Variants in ARID1B observed in about 807,000 individuals in gnomAD.
ARID1B encodes the protein AT-rich interaction domain 1B.
Under a neutral mutation model 212.3 loss-of-function variants are expected in ARID1B, and 30 were observed. The observed-to-expected ratio is 0.14, with a 90% CI of 0.11 to 0.19. The LOEUF (loss-of-function observed/expected upper bound fraction) is 0.19, where lower values mean the gene tolerates loss of function less well. Among genes scored for constraint, ARID1B ranks in the 10% least tolerant of loss-of-function variants. The probability of loss-of-function intolerance (pLI) is 1.00; values close to 1 mark genes in which losing one functional copy is unlikely to be tolerated. For synonymous variants in ARID1B, 1,402 were observed against 1,301.7 expected, an observed-to-expected ratio of 1.08 and a Z score of -1.66; for missense variants, 2,891 against 3,204.0, an observed-to-expected ratio of 0.90 and a Z score of 2.36.
At chr6:156,990,614 C>T (rs536373718) in intron 4 of ARID1B, among the ~76,000 whole-genome samples, 145 of 152,248 alleles carry the variant, frequency 9.5e-4, no homozygotes, top group South Asian at 1.5e-3. Flanking sequence ...GCACTCCAGC[C>T]TGGCGACAGA....
chr6:157,009,232 G>A (rs12210164), intron 4 of ARID1B, among the ~76,000 whole-genome samples: 40,725 of 152,092 alleles, frequency 0.27, 5,858 homozygotes, highest in Non-Finnish European at 0.32. Flanking sequence ...AAACACAGTA[G>A]TTCTGTGTTG....
chr6:157,200,559 A>G lies in ARID1B; in HGVS notation c.4480-146A>G. On this transcript the variant is annotated intron_variant, in intron 17 of 19. Coordinates refer to ENST00000636930, the MANE Select transcript of ARID1B (RefSeq NM_001374828.1). The surrounding 1 kb of genome is among the most constrained non-coding windows in gnomAD (Gnocchi z 4.3). Reference sequence around the variant, plus strand: ...TATAATACTGAAATATTGAACATAAATTGTTAGTTCTCTGTTGTTATAGGA... The same window carrying G: ...TATAATACTGAAATATTGAACATAAGTTGTTAGTTCTCTGTTGTTATAGGA... The G allele has an allele frequency of 2.3e-6, 2 of 866,650 alleles. No individual in the cohort carries two copies. Among genetic ancestry groups the G allele is most frequent in the Non-Finnish European group, 3.4e-6 (2 of 580,900 alleles). 53.7% of individuals were successfully genotyped at this position (866,650 alleles called of 1,614,324 possible).
chr6:156,990,645 GAACA>G (rs1000124883), intron 4 of ARID1B, among the ~76,000 whole-genome samples: 1 of 151,758 alleles, frequency 6.6e-6, no homozygotes, highest in East Asian at 2.0e-4. Context: ...GTCTCAAAAC[GAACA>G]AACAAACAAA....
intron 5 of ARID1B, among the ~76,000 whole-genome samples, chr6:157,095,411 G>T (rs544936118): frequency 2.0e-5 from 3 of 152,340 alleles, no homozygotes; most frequent in African/African-American, 4.8e-5. Flanking sequence ...ACTGAGAGAA[G>T]AATTCTGAGG....
intron 4 of ARID1B, among the ~76,000 whole-genome samples, chr6:157,079,323 G>T (rs1299119332): frequency 6.6e-6 from 1 of 152,086 alleles, no homozygotes; most frequent in Non-Finnish European, 1.5e-5. Flanking sequence ...TAGGTATCTG[G>T]ACATAAACAC....
intron 4 of ARID1B, among the ~76,000 whole-genome samples, chr6:156,962,814 C>T (rs1010211659): frequency 6.6e-6 from 1 of 151,790 alleles, no homozygotes; most frequent in African/African-American, 2.4e-5. Flanking sequence ...GATGGAGTCT[C>T]ACGCTGTCGC....
chr6:157,027,803 T>C (rs546804248), intron 4 of ARID1B, among the ~76,000 whole-genome samples: 30 of 152,366 alleles, frequency 2.0e-4, no homozygotes, highest in African/African-American at 5.8e-4. Context: ...ATAGTGACTT[T>C]GTAACAACTT....
intron 7 of ARID1B, among the ~76,000 whole-genome samples, chr6:157,144,916 T>C (rs1375970292): frequency 6.6e-6 from 1 of 152,232 alleles, no homozygotes; most frequent in African/African-American, 2.4e-5. Flanking sequence ...TGATGGTATC[T>C]GCAAACTTCA....
At chr6:157,181,243 C>G (rs775658308) in intron 12 of ARID1B, 65 bp downstream of exon 12, 33 of 1,561,832 alleles carry the variant, frequency 2.1e-5, no homozygotes, top group Non-Finnish European at 2.9e-5. Context: ...CAGTGGCTTT[C>G]TTTGAATGTG....
At chr6:156,883,704 C>G (rs1042642283) in intron 2 of ARID1B, among the ~76,000 whole-genome samples, 10 of 152,152 alleles carry the variant, frequency 6.6e-5, no homozygotes, top group African/African-American at 2.4e-4. Context: ...CCTTTCCTTG[C>G]TTTGACTCTT....
intron 2 of ARID1B, among the ~76,000 whole-genome samples, chr6:156,842,830 T>C (rs1365293464): frequency 6.6e-6 from 1 of 152,228 alleles, no homozygotes; most frequent in African/African-American, 2.4e-5. Flanking sequence ...GCCAAATCCA[T>C]GAGGTAAGTA....
intron 4 of ARID1B, among the ~76,000 whole-genome samples, chr6:156,982,403 A>C (rs1777658401): frequency 6.8e-6 from 1 of 147,038 alleles, no homozygotes; most frequent in Admixed American, 6.8e-5. Flanking sequence ...TGCCCGAAAT[A>C]GTGCTGTGTG....
intron 5 of ARID1B, among the ~76,000 whole-genome samples, chr6:157,092,427 C>T (rs1241023982): frequency 6.6e-6 from 1 of 152,156 alleles, no homozygotes; most frequent in Non-Finnish European, 1.5e-5. Flanking sequence ...GGACAGATTC[C>T]CCATTGCTGT....
intron 4 of ARID1B, among the ~76,000 whole-genome samples, chr6:156,947,361 C>T (rs1261696005): frequency 2.0e-5 from 3 of 152,078 alleles, no homozygotes; most frequent in African/African-American, 7.2e-5. Flanking sequence ...TTAATTCCTC[C>T]TTCTCTGAAA....
chr6:156,830,546 C>T (rs987690960), intron 2 of ARID1B, among the ~76,000 whole-genome samples: 4 of 152,026 alleles, frequency 2.6e-5, no homozygotes, highest in Non-Finnish European at 2.9e-5. Flanking sequence ...ATACACTATT[C>T]GATCTGTATT....
In ARID1B at chr6:156,844,189, C is replaced by T. The variant is rs150756430; in HGVS notation, c.1986+14768C>T. On this transcript the variant is annotated intron_variant, in intron 2 of 19. Coordinates refer to ENST00000636930, the MANE Select transcript of ARID1B (RefSeq NM_001374828.1). Reference sequence around the variant, plus strand: ...TCATCTTTGTTCTGCTTTGGTGCTTCGATGGATCAGTTCAGAAAGCCACAG... The same window carrying T: ...TCATCTTTGTTCTGCTTTGGTGCTTTGATGGATCAGTTCAGAAAGCCACAG... Among the ~76,000 whole-genome samples, 326 of 152,314 alleles carry T rather than the reference C, an allele frequency of 2.1e-3. 1 individual carries two copies. Among genetic ancestry groups the T allele is most frequent in the African/African-American group, 7.3e-3 (304 of 41,566 alleles).
chr6:156,893,947 C>G (rs1582891485), intron 2 of ARID1B, among the ~76,000 whole-genome samples: 2 of 152,050 alleles, frequency 1.3e-5, no homozygotes, highest in Admixed American at 1.3e-4. Flanking sequence ...GGAATGTACC[C>G]CAAGACGTAA....
chr6:157,139,486 C>T (rs1039083170), intron 7 of ARID1B, among the ~76,000 whole-genome samples: 3 of 152,280 alleles, frequency 2.0e-5, no homozygotes, highest in Middle Eastern at 3.4e-3. Context: ...GGCAGCCGAT[C>T]GGGACCCTCC....
chr6:157,163,365 G>A (rs1301720210), intron 8 of ARID1B, among the ~76,000 whole-genome samples: 2 of 152,296 alleles, frequency 1.3e-5, no homozygotes, highest in East Asian at 1.9e-4. Flanking sequence ...TAGTTAGGGC[G>A]GCAGCCATCT....
Sources: gnomAD v4.1 joint callset for allele counts (sites outside exome capture counted in the v4.1 genomes callset) on GRCh38, gnomAD v4.1.1 for gene constraint, Gnocchi (gnomAD v3.1) non-coding constraint, MANE v1.5 for transcripts, NCBI Gene and HGNC (gene_info 2026-07-23, HGNC 2026-07-21) for gene names.